Variants in PRRC2B observed in about 807,000 individuals in gnomAD.
PRRC2B encodes protein PRRC2B.
In PRRC2B, 68 loss-of-function variants were observed where a neutral mutation model predicts 242.3. That is an observed-to-expected ratio of 0.28 (90% confidence interval 0.23 to 0.34). The LOEUF (loss-of-function observed/expected upper bound fraction) is 0.34, where lower values mean the gene tolerates loss of function less well. Among genes scored for constraint, PRRC2B ranks in the 10% least tolerant of loss-of-function variants. The probability of loss-of-function intolerance (pLI) is 1.00; values close to 1 mark genes in which losing one functional copy is unlikely to be tolerated. For missense variants in PRRC2B, 2,835 were observed against 2,954.8 expected, an observed-to-expected ratio of 0.96 and a Z score of 0.94; for synonymous variants, 1,228 against 1,173.6, an observed-to-expected ratio of 1.05 and a Z score of -0.95.
At chr9:131,467,434 G>A (rs1301177430) in intron 12 of PRRC2B, 129 bp from the exon 13 acceptor site, 9 of 806,304 alleles carry the variant, frequency 1.1e-5, no homozygotes, top group East Asian at 1.1e-4. Context: ...CAGGGCCAGG[G>A]TTCAGGGACG....
intron 1 of PRRC2B, among the ~76,000 whole-genome samples, chr9:131,395,791 C>T (rs1298397541): frequency 6.6e-6 from 1 of 152,164 alleles, no homozygotes; most frequent in Non-Finnish European, 1.5e-5. Context: ...TCTCGGGAGG[C>T]AGGGATGGGA....
At chr9:131,403,692 C>G (rs562857211) in intron 1 of PRRC2B, among the ~76,000 whole-genome samples, 106 of 150,478 alleles carry the variant, frequency 7.0e-4, no homozygotes, top group African/African-American at 2.5e-3. Context: ...AAATTAAAAG[C>G]CAAGTGTTTG....
chr9:131,461,446 G>A (rs532395409), intron 11 of PRRC2B, among the ~76,000 whole-genome samples: 2 of 152,286 alleles, frequency 1.3e-5, no homozygotes, highest in Admixed American at 1.3e-4. Flanking sequence ...AGTGACTCTG[G>A]GACTGGACTG....
intron 9 of PRRC2B, among the ~76,000 whole-genome samples, chr9:131,450,868 A>G (rs1465544132): frequency 6.6e-6 from 1 of 152,094 alleles, no homozygotes; most frequent in Non-Finnish European, 1.5e-5. Flanking sequence ...GATTACAGGT[A>G]TGAGCCACCA....
At chr9:131,423,177 A>G (rs1837888313) in intron 1 of PRRC2B, among the ~76,000 whole-genome samples, 1 of 152,232 alleles carries the variant, frequency 6.6e-6, no homozygotes, top group Non-Finnish European at 1.5e-5. Flanking sequence ...GCCATAAGCC[A>G]GGTTTGACTT....
rs1943036690 is a variant in PRRC2B, at chr9:131,455,177, GT to G, written c.1211+13del. 6.3e-7 allele frequency: 1 copy of G among 1,596,658 alleles called. No homozygotes were observed. Among genetic ancestry groups the G allele is most frequent in the African/African-American group, 1.3e-5 (1 of 74,528 alleles). On this transcript the variant is annotated intron_variant, in intron 10 of 31. Coordinates refer to ENST00000683519, the MANE Select transcript of PRRC2B (RefSeq NM_013318.4). ...CGGCAGGCCAAAGTGGTAAGGACCC[GT>G]TCCTGCCCTATCAGCATGAGTGCAT...
chr9:131,420,496 T>TCGTTCGTTCG (rs59621148), intron 1 of PRRC2B, among the ~76,000 whole-genome samples: 1 of 75,938 alleles, frequency 1.3e-5, no homozygotes, highest in Non-Finnish European at 2.7e-5. Flanking sequence ...TTTCTTTCTT[T>TCGTTCGTTCG]TTTTTTTTTT....
In PRRC2B at chr9:131,474,943, G is replaced by A. The variant is rs777165341; in HGVS notation, c.2814G>A (p.Arg938=). 2 of 1,594,698 alleles carry A rather than the reference G, an allele frequency of 1.3e-6. No homozygotes were observed. The highest frequency in any genetic ancestry group is 1.1e-5 in the South Asian group (1 of 88,126). The part of the protein sequence containing the change: ...QHPEQTGRTR[R]SGPIKKPVLK... ...CGGAGCAGACGGGCAGGACCCGGAG[G>A]TCGGGACCCATCAAGAAACCAGTCC... is the stretch of plus-strand genomic sequence containing the variant. The change falls in exon 16 of 32, where the codon AGG becomes AGA. Residue 938 remains arginine, a synonymous_variant. Coordinates refer to ENST00000683519, the MANE Select transcript of PRRC2B (RefSeq NM_013318.4).
rs1200168862 is a variant in PRRC2B at position 131,482,803 on chromosome 9, G to C, written c.5269G>C (p.Ala1757Pro). 1 of 1,610,178 alleles carries C rather than the reference G, an allele frequency of 6.2e-7. No individual in the cohort carries two copies. Among genetic ancestry groups the C allele is most frequent in the Admixed American group, 1.7e-5 (1 of 59,498 alleles). ...GAAAAACAGAAAGGGCTCGGAGGGGGCCGAGCGGCTGCAAGGGGCTGTCGT... is the reference window on the plus strand; with the variant it reads ...GAAAAACAGAAAGGGCTCGGAGGGGCCCGAGCGGCTGCAAGGGGCTGTCGT... Reference protein sequence around the residue: ...SLKNRKGSEGAERLQGAVVPP... With the variant: ...SLKNRKGSEGPERLQGAVVPP... Residue 1757 changes from alanine (A) to proline (P), a missense_variant, in exon 22 of 32, where the codon GCC becomes CCC. Physicochemically the swap from Ala to Pro is conservative, Grantham distance 27 (BLOSUM62 -1). Around this residue, in one of 7 missense-constraint regions of PRRC2B, gnomAD observed 574 missense variants for 626.0 expected, o/e 0.92. Transcript: ENST00000683519. This position sits in a 1 kb window ranked among gnomAD's most constrained non-coding sequence, Gnocchi z 5.2.
At chr9:131,411,880 C>T (rs1021296273) in intron 1 of PRRC2B, among the ~76,000 whole-genome samples, 2 of 152,118 alleles carry the variant, frequency 1.3e-5, no homozygotes, top group East Asian at 1.9e-4. Flanking sequence ...GTGGCACAGT[C>T]ACGGCTTACT....
In PRRC2B at chr9:131,475,848, G is replaced by C; in HGVS notation, c.3719G>C (p.Gly1240Ala). 6.2e-7 allele frequency: 1 copy of C among 1,613,580 alleles called. No homozygotes were observed. Among genetic ancestry groups the C allele is most frequent in the Non-Finnish European group, 8.5e-7 (1 of 1,179,584 alleles). The change falls in exon 16 of 32, where the codon GGC (glycine) becomes GCC (alanine). Residue 1240 changes from glycine (G) to alanine (A), a missense_variant. By Grantham distance (60) the Gly-to-Ala change is moderately conservative. Coordinates refer to ENST00000683519, the MANE Select transcript of PRRC2B (RefSeq NM_013318.4). The part of the protein sequence containing the change: ...KSPGSSWQEY[G>A]PSDTCGSRRP... ...CCAGGCAGCTCTTGGCAGGAATATGGCCCTTCCGACACATGCGGATCCCGG... is the reference window on the plus strand; with the variant it reads ...CCAGGCAGCTCTTGGCAGGAATATGCCCCTTCCGACACATGCGGATCCCGG...
At chr9:131,486,321 G>T (rs541196513) in intron 26 of PRRC2B, 139 bp downstream of exon 26, 15 of 831,730 alleles carry the variant, frequency 1.8e-5, no homozygotes, top group South Asian at 1.1e-4. Context: ...CACCTGGCCC[G>T]CCACGGCAGC....
intron 1 of PRRC2B, among the ~76,000 whole-genome samples, chr9:131,423,458 G>A (rs1837898536): frequency 6.6e-6 from 1 of 152,244 alleles, no homozygotes; most frequent in African/African-American, 2.4e-5. Flanking sequence ...GCCCTGGCCT[G>A]ATGTTTGTGA....
rs117624616 is a variant in PRRC2B at position 131,410,868 on chromosome 9, T to C, written c.-52+16605T>C. ...CTGCTTTCCCTTACATTTGCTTGCATTGGTTTTTTTCTGATTTCTTAACTT... is the reference window on the plus strand; with the variant it reads ...CTGCTTTCCCTTACATTTGCTTGCACTGGTTTTTTTCTGATTTCTTAACTT... On this transcript the variant is annotated intron_variant, in intron 1 of 31. Transcript: ENST00000683519. Among the ~76,000 whole-genome samples the C allele has an allele frequency of 4.7e-3, 718 of 152,352 alleles. 4 individuals are homozygous for C. The highest frequency in any genetic ancestry group is 7.9e-3 in the Non-Finnish European group (536 of 68,026).
chr9:131,473,560 C>G lies in PRRC2B; in HGVS notation c.2160C>G (p.Arg720=), dbSNP rs761799194. The G allele has an allele frequency of 6.2e-6, 10 of 1,610,438 alleles. No homozygotes were observed. The highest frequency in any genetic ancestry group is 1.3e-5 in the African/African-American group (1 of 74,816). ...PQESLNGTGC[R]SEDQNCVPPL... is the part of the protein sequence containing the mutation. The stretch of plus-strand genomic sequence containing the variant: ...AGTCCCTCAATGGGACAGGCTGTCG[C>G]TCTGAGGATCAGAACTGTGTGCCCC... Residue 720 remains arginine, a synonymous_variant, in exon 15 of 32, where the codon CGC becomes CGG. Transcript: ENST00000683519.
At chr9:131,375,355 C>T (rs774616008) in intron 1 of PRRC2B, among the ~76,000 whole-genome samples, 14 of 151,896 alleles carry the variant, frequency 9.2e-5, no homozygotes, top group African/African-American at 3.4e-4. Flanking sequence ...GCCGAGATTG[C>T]GTCACAGCAC....
chr9:131,379,919 C>T (rs1374517355), intron 1 of PRRC2B, among the ~76,000 whole-genome samples: 4 of 151,202 alleles, frequency 2.6e-5, no homozygotes, highest in African/African-American at 9.7e-5. Context: ...CTACCGCACC[C>T]AGCCAGCCTT....
At chr9:131,443,299 A>G (rs2966342) in intron 5 of PRRC2B, among the ~76,000 whole-genome samples, 132,823 of 150,082 alleles carry the variant, frequency 0.89, 59,100 homozygotes, top group South Asian at 0.96. Context: ...ACGTCTGGCT[A>G]ATTTTTTTTT....
chr9:131,400,467 A>G (rs1178539503), intron 1 of PRRC2B, among the ~76,000 whole-genome samples: 2 of 151,944 alleles, frequency 1.3e-5, no homozygotes, highest in East Asian at 1.9e-4. Flanking sequence ...ACAGGCGTGC[A>G]CCACCACACC....
Sources: gnomAD v4.1 joint callset for allele counts (sites outside exome capture counted in the v4.1 genomes callset) on GRCh38, gnomAD v4.1.1 for gene constraint, gnomAD v4.1.1 regional missense constraint, Gnocchi (gnomAD v3.1) non-coding constraint, MANE v1.5 for transcripts, NCBI Gene and HGNC (gene_info 2026-07-23, HGNC 2026-07-21) for gene names.